The following PCNX2 variants were observed in gnomAD, a reference collection of about 807,000 sequenced individuals.
PCNX2 encodes pecanex 2, also known as pecanex-like protein 2.
Under a neutral mutation model 223.8 loss-of-function variants are expected in PCNX2, and 168 were observed. The ratio of observed to expected loss-of-function variants is 0.75; its 90% confidence interval spans 0.66 to 0.85. The LOEUF is 0.85. PCNX2 is among the 40% of genes least tolerant of loss of function. PCNX2 has a pLI of 0.00. For synonymous variants in PCNX2, 1,006 were observed against 1,052.6 expected (o/e 0.96, Z 0.86); for missense variants, 2,507 against 2,675.5 (o/e 0.94, Z 1.39).
intron 32 of PCNX2, among the ~76,000 whole-genome samples, chr1:232,992,306 A>C (rs559820215): frequency 6.6e-6 from 1 of 152,296 alleles, no homozygotes; most frequent in Admixed American, 6.5e-5. Flanking sequence ...TGAGAAAGTA[A>C]AGGAGCCCCT....
At chr1:233,155,150 G>C (rs1678044489) in intron 19 of PCNX2, among the ~76,000 whole-genome samples, 1 of 151,656 alleles carries the variant, frequency 6.6e-6, no homozygotes, top group African/African-American at 2.4e-5. Flanking sequence ...TATTCAATAG[G>C]CACTATCATA....
At chr1:233,170,866 A>G (rs1253720371) in intron 17 of PCNX2, among the ~76,000 whole-genome samples, 4 of 152,222 alleles carry the variant, frequency 2.6e-5, no homozygotes, top group Admixed American at 1.3e-4. Context: ...GTAGTTGCAC[A>G]AAACATTCCA....
At chr1:233,238,697 A>AAG (rs2102966725) in intron 8 of PCNX2, among the ~76,000 whole-genome samples, 1 of 151,802 alleles carries the variant, frequency 6.6e-6, no homozygotes, top group African/African-American at 2.4e-5. Context: ...CTGTCTCAAA[A>AAG]AAAAAAAAAA....
rs568650399 is a variant in PCNX2 at position 233,192,623 on chromosome 1, A to G, written c.3066+6316T>C. Among the ~76,000 whole-genome samples the G allele has an allele frequency of 7.8e-4, 119 of 152,280 alleles. No individual in the cohort carries two copies. The Middle Eastern group carries it at 0.01, about 13-fold the overall frequency. ...CTAAAGCACATTTACATCAAAAAAA[A>G]AGAAATTTTTAGAAAATATCTGATT... On this transcript the variant is annotated intron_variant, in intron 15 of 33. Coordinates refer to ENST00000258229, the MANE Select transcript of PCNX2 (RefSeq NM_014801.4).
intron 12 of PCNX2, among the ~76,000 whole-genome samples, chr1:233,214,447 C>T (rs983647329): frequency 6.6e-6 from 1 of 152,150 alleles, no homozygotes; most frequent in African/African-American, 2.4e-5. Context: ...TGATTGCCTC[C>T]ACCATAATGA....
At chr1:233,097,763 C>T (rs1362416369) in intron 21 of PCNX2, among the ~76,000 whole-genome samples, 2 of 152,176 alleles carry the variant, frequency 1.3e-5, no homozygotes, top group South Asian at 2.1e-4. Flanking sequence ...GATCAAGAAA[C>T]GGATAGTTCT....
At chr1:233,255,557 G>A (rs1659690873) in intron 5 of PCNX2, among the ~76,000 whole-genome samples, 1 of 152,154 alleles carries the variant, frequency 6.6e-6, no homozygotes, top group Non-Finnish European at 1.5e-5. Context: ...AAACAAAAAA[G>A]CAAACAAACA....
At chr1:233,245,613 T>C (rs926726988) in intron 8 of PCNX2, among the ~76,000 whole-genome samples, 2 of 152,164 alleles carry the variant, frequency 1.3e-5, no homozygotes, top group African/African-American at 2.4e-5. Context: ...GTCTGTGGTG[T>C]TGTTAAAAAA....
intron 19 of PCNX2, among the ~76,000 whole-genome samples, chr1:233,142,434 T>C (rs1359367933): frequency 6.6e-6 from 1 of 152,188 alleles, no homozygotes; most frequent in African/African-American, 2.4e-5. Context: ...CCAAGCTCCA[T>C]CCATGTCCTG....
chr1:233,067,105 G>A (rs1672641868), intron 23 of PCNX2, among the ~76,000 whole-genome samples: 1 of 151,912 alleles, frequency 6.6e-6, no homozygotes, highest in Admixed American at 6.6e-5. Context: ...AATGGTGTCA[G>A]TAACAGCTAG....
intron 21 of PCNX2, chr1:233,112,957 G>A: frequency 7.8e-7 from 1 of 1,289,320 alleles, no homozygotes; most frequent in Non-Finnish European, 1.0e-6. Flanking sequence ...CTTTGTGTGT[G>A]GGTGCCGTCC....
intron 21 of PCNX2, among the ~76,000 whole-genome samples, chr1:233,107,743 A>G (rs1279399436): frequency 6.6e-6 from 1 of 152,146 alleles, no homozygotes; most frequent in Non-Finnish European, 1.5e-5. Context: ...TGTAGAGCAG[A>G]CAGCTCTCAG....
chr1:233,250,824 T>C lies in PCNX2; in HGVS notation c.2137A>G (p.Arg713Gly). ...HVFIDEHGEI[R>G]SCYLKSGNQK... ...TTTCCAGATTTTAAATAACAGGATC[T>C]AATTTCCCCTGTAAAATCAGAAAAT... Residue 713 changes from arginine to glycine, a missense_variant, in exon 8 of 34, where the codon AGA becomes GGA. By Grantham distance (125) the Arg-to-Gly change is moderately radical. This residue lies in a region of PCNX2 where 1,031 missense variants were observed against 1,021.7 expected (regional missense o/e 1.01). Transcript: ENST00000258229. 1 of 1,587,140 alleles carries C rather than the reference T, an allele frequency of 6.3e-7. No homozygotes were observed. Among genetic ancestry groups the C allele is most frequent in the South Asian group, 1.2e-5 (1 of 86,854 alleles).
At chr1:233,233,729 G>A (rs1438644503) in intron 9 of PCNX2, among the ~76,000 whole-genome samples, 2 of 151,856 alleles carry the variant, frequency 1.3e-5, no homozygotes, top group Non-Finnish European at 2.9e-5. Flanking sequence ...AGAGAGGCAG[G>A]GAGGATGGGG....
chr1:233,245,901 C>A (rs891618244), intron 8 of PCNX2, among the ~76,000 whole-genome samples: 3 of 151,618 alleles, frequency 2.0e-5, no homozygotes, highest in African/African-American at 7.3e-5. Context: ...GGGTGACAGA[C>A]GGAGACTCTA....
At chr1:233,058,814 C>A (rs547484157) in intron 23 of PCNX2, among the ~76,000 whole-genome samples, 2 of 151,894 alleles carry the variant, frequency 1.3e-5, no homozygotes, top group South Asian at 4.2e-4. Flanking sequence ...TACAGACATG[C>A]GCCACATGCC....
chr1:233,196,459 A>T (rs1297145973), intron 15 of PCNX2, among the ~76,000 whole-genome samples: 2 of 152,130 alleles, frequency 1.3e-5, no homozygotes, highest in East Asian at 3.8e-4. Flanking sequence ...AAATGTGTGT[A>T]GCATATATCT....
intron 19 of PCNX2, among the ~76,000 whole-genome samples, chr1:233,153,166 C>T (rs557301158): frequency 6.6e-6 from 1 of 152,318 alleles, no homozygotes; most frequent in South Asian, 2.1e-4. Context: ...GCAGGCTACA[C>T]ACTACAAACT....
intron 15 of PCNX2, among the ~76,000 whole-genome samples, chr1:233,193,567 C>T (rs1486232040): frequency 6.6e-6 from 1 of 152,116 alleles, no homozygotes; most frequent in Non-Finnish European, 1.5e-5. Context: ...CAAGTGATGC[C>T]AATTCAGATG....
Sources: allele counts gnomAD v4.1 joint callset (sites outside exome capture counted in the v4.1 genomes callset), GRCh38; gene constraint gnomAD v4.1.1; regional missense constraint gnomAD v4.1.1; transcripts MANE v1.5; gene names NCBI Gene and HGNC (gene_info 2026-07-23, HGNC 2026-07-21).